Variants in ANO1 observed in about 807,000 individuals in gnomAD.
The protein encoded by ANO1 is anoctamin 1.
ANO1 carries 59 observed loss-of-function variants against 124.0 expected under a neutral mutation model. The observed-to-expected ratio is 0.48, with a 90% CI of 0.39 to 0.59. ANO1 has a LOEUF of 0.59. ANO1 is among the 20% of genes least tolerant of loss of function. The pLI is 0.00. For missense variants in ANO1, 1,059 were observed against 1,328.0 expected (o/e 0.80, Z 3.15); for synonymous variants, 529 against 532.0 (o/e 0.99, Z 0.08).
chr11:70,132,615 T>C (rs1316049872), intron 11 of ANO1, among the ~76,000 whole-genome samples: 4 of 152,206 alleles, frequency 2.6e-5, no homozygotes, highest in Admixed American at 1.3e-4. Context: ...TCCACTGCCA[T>C]GCAAACCTAA....
chr11:70,103,499 C>T (rs2045363960), intron 3 of ANO1, among the ~76,000 whole-genome samples: 1 of 152,144 alleles, frequency 6.6e-6, no homozygotes, highest in Non-Finnish European at 1.5e-5. Context: ...GGCCGTGGTG[C>T]TTTCGTGTTT....
chr11:69,990,420 C>A (rs1856131696), intron 1 of ANO1, among the ~76,000 whole-genome samples: 1 of 152,182 alleles, frequency 6.6e-6, no homozygotes, highest in Admixed American at 6.5e-5. Flanking sequence ...TTATTTCCAC[C>A]TTTTGGCTAT....
intron 1 of ANO1, among the ~76,000 whole-genome samples, chr11:70,047,779 C>T (rs533588166): frequency 6.6e-6 from 1 of 152,206 alleles, no homozygotes; most frequent in South Asian, 2.1e-4. Flanking sequence ...TAGAACAGTC[C>T]CCATAGGTCC....
intron 22 of ANO1, among the ~76,000 whole-genome samples, chr11:70,175,165 A>C (rs10898829): frequency 6.6e-6 from 1 of 152,190 alleles, no homozygotes; most frequent in Non-Finnish European, 1.5e-5. Flanking sequence ...GGCTTCCCGC[A>C]GTCCCTCTGC....
intron 2 of ANO1, among the ~76,000 whole-genome samples, chr11:70,100,800 C>G (rs1377689416): frequency 1.3e-5 from 2 of 152,198 alleles, no homozygotes; most frequent in Non-Finnish European, 2.9e-5. Context: ...ACGGAACTGA[C>G]ATTGAGTGGA....
chr11:70,004,400 A>C (rs1554999777), intron 1 of ANO1, among the ~76,000 whole-genome samples: 1 of 152,226 alleles, frequency 6.6e-6, no homozygotes, highest in Non-Finnish European at 1.5e-5. Context: ...GTGCACTTTT[A>C]CAGGGACCAT....
At chr11:70,003,178 A>G (rs1009477473) in intron 1 of ANO1, among the ~76,000 whole-genome samples, 4 of 152,230 alleles carry the variant, frequency 2.6e-5, no homozygotes, top group Non-Finnish European at 5.9e-5. Context: ...AGACCAACAC[A>G]CCAATGGGAA....
At chr11:69,969,522 C>T in the ANO1 span, among the ~76,000 whole-genome samples, 1 of 152,188 alleles carries the variant, frequency 6.6e-6, no homozygotes, top group African/African-American at 2.4e-5. Context: ...GCTACTGCCC[C>T]CGTCTCTCTT....
At chr11:70,184,050 GC>G (rs2049020572) in intron 24 of ANO1, among the ~76,000 whole-genome samples, 1 of 152,196 alleles carries the variant, frequency 6.6e-6, no homozygotes, top group African/African-American at 2.4e-5. Flanking sequence ...AATCCAGGTG[GC>G]CCTTCTCCTA....
At chr11:69,993,392 C>G (rs1351703053) in intron 1 of ANO1, among the ~76,000 whole-genome samples, 2 of 152,202 alleles carry the variant, frequency 1.3e-5, no homozygotes, top group Non-Finnish European at 2.9e-5. Context: ...GAGGCATAAT[C>G]TGGCATAATG....
At chr11:70,003,033 GA>G (rs5792502) in intron 1 of ANO1, among the ~76,000 whole-genome samples, 110,076 of 151,992 alleles carry the variant, frequency 0.72, 40,531 homozygotes, top group East Asian at 0.98. Flanking sequence ...CCACAGATTA[GA>G]AAAAAAGAAA....
At chr11:70,065,890 G>A (rs1331107730) in intron 1 of ANO1, among the ~76,000 whole-genome samples, 2 of 152,122 alleles carry the variant, frequency 1.3e-5, no homozygotes, top group Non-Finnish European at 2.9e-5. Context: ...GGCCACCCAC[G>A]TCGTGTCTCC....
At chr11:70,055,449 T>C (rs923440404) in intron 1 of ANO1, among the ~76,000 whole-genome samples, 23 of 152,054 alleles carry the variant, frequency 1.5e-4, no homozygotes, top group African/African-American at 5.5e-4. Context: ...TAAAATTTCT[T>C]ATTTTGAAAT....
At chr11:70,106,328 G>A (rs1277252235) in intron 5 of ANO1, among the ~76,000 whole-genome samples, 1 of 152,230 alleles carries the variant, frequency 6.6e-6, no homozygotes, top group Non-Finnish European at 1.5e-5. Flanking sequence ...CAGCCAAGCT[G>A]GGGCTGTGCA....
chr11:70,130,514 A>G (rs2046710628), intron 10 of ANO1, among the ~76,000 whole-genome samples: 1 of 152,236 alleles, frequency 6.6e-6, no homozygotes, highest in African/African-American at 2.4e-5. Flanking sequence ...AACAGTCCCC[A>G]GTGCTGGTCC....
chr11:70,132,168 C>A, intron 11 of ANO1, 89 bp downstream of exon 11: 1 of 1,443,686 alleles, frequency 6.9e-7, no homozygotes, highest in South Asian at 1.3e-5. Context: ...GCGAAATCAT[C>A]CTCAGGCAGG....
chr11:70,131,851 C>G, intron 10 of ANO1, 68 bp from the exon 11 acceptor site: 1 of 1,529,544 alleles, frequency 6.5e-7, no homozygotes, highest in South Asian at 1.2e-5. Flanking sequence ...CCCAGGCCAG[C>G]TCGGCACCCA....
chr11:70,135,217 C>A (rs951137377), intron 11 of ANO1, among the ~76,000 whole-genome samples: 1 of 152,146 alleles, frequency 6.6e-6, no homozygotes, highest in Admixed American at 6.5e-5. Flanking sequence ...CTGCTGAAAT[C>A]CCTGGGAGGA....
At chr11:70,072,783 G>T (rs1857905197) in intron 1 of ANO1, 1 of 152,470 alleles carries the variant, frequency 6.6e-6, no homozygotes, top group East Asian at 1.9e-4. Context: ...CTGTGGCTGA[G>T]AGCGGCTCTC....
Sources: allele counts gnomAD v4.1 joint callset (sites outside exome capture counted in the v4.1 genomes callset), GRCh38; gene constraint gnomAD v4.1.1; transcripts MANE v1.5; gene names NCBI Gene and HGNC (gene_info 2026-07-23, HGNC 2026-07-21).